The following CADPS2 variants were observed in gnomAD, a reference collection of about 807,000 sequenced individuals.
The protein encoded by CADPS2 is calcium-dependent secretion activator 2.
Under a neutral mutation model 172.5 loss-of-function variants are expected in CADPS2, and 93 were observed. That is an observed-to-expected ratio of 0.54 (90% CI 0.46 to 0.64). CADPS2 has a LOEUF of 0.64. Among genes scored for constraint, CADPS2 ranks in the 30% least tolerant of loss-of-function variants. The pLI, the probability that CADPS2 is intolerant of heterozygous loss-of-function variation, is 0.00. For missense variants in CADPS2, 1,420 were observed against 1,565.9 expected (o/e 0.91, Z 1.57); for synonymous variants, 546 against 555.2 (o/e 0.98, Z 0.23).
At chr7:122,838,030 A>G (rs1324544403) in intron 1 of CADPS2, among the ~76,000 whole-genome samples, 1 of 152,274 alleles carries the variant, frequency 6.6e-6, no homozygotes, top group Non-Finnish European at 1.5e-5. Context: ...AAAATCCTCA[A>G]TAAAATACTG....
chr7:122,499,667 T>C (rs1020751982), intron 9 of CADPS2, among the ~76,000 whole-genome samples: 2 of 152,152 alleles, frequency 1.3e-5, no homozygotes, highest in Admixed American at 6.5e-5. Flanking sequence ...TTTCACTACA[T>C]TTCAGAAAAG....
intron 2 of CADPS2, chr7:122,701,797 G>T (rs1327708129): frequency 1.2e-5 from 16 of 1,319,684 alleles, no homozygotes; most frequent in Non-Finnish European, 1.4e-5. Context: ...TATTTGGAAA[G>T]ATCTGGTTAC....
intron 1 of CADPS2, among the ~76,000 whole-genome samples, chr7:122,758,962 G>A (rs183670940): frequency 1.5e-4 from 23 of 149,246 alleles, no homozygotes; most frequent in Admixed American, 4.0e-4. Flanking sequence ...TTTACTTAGC[G>A]CAAACCAAAA....
intron 1 of CADPS2, among the ~76,000 whole-genome samples, chr7:122,875,431 T>G (rs1820953627): frequency 6.6e-6 from 1 of 152,058 alleles, no homozygotes; most frequent in Admixed American, 6.6e-5. Flanking sequence ...GCAAAATAAA[T>G]TAATACAACT....
chr7:122,706,949 A>G (rs113971711), intron 2 of CADPS2, among the ~76,000 whole-genome samples: 2 of 151,380 alleles, frequency 1.3e-5, no homozygotes, highest in African/African-American at 2.4e-5. Context: ...GAGTGGAATC[A>G]TCATGATTAT....
chr7:122,404,971 A>G (rs886442889), intron 20 of CADPS2, among the ~76,000 whole-genome samples: 2 of 152,090 alleles, frequency 1.3e-5, no homozygotes, highest in African/African-American at 4.8e-5. Flanking sequence ...CTAAAAATAC[A>G]AAAAAATTAG....
intron 17 of CADPS2, among the ~76,000 whole-genome samples, chr7:122,427,767 A>C (rs2049355719): frequency 6.6e-6 from 1 of 151,968 alleles, no homozygotes; most frequent in South Asian, 2.1e-4. Context: ...TATTCAGTAT[A>C]CTTTATTTAA....
chr7:122,886,191 G>GCCT lies in CADPS2; in HGVS notation c.146_147insAGG (p.Gly52dup). The GCCT allele has an allele frequency of 6.8e-7, 1 of 1,469,528 alleles. No individual in the cohort carries two copies. The highest frequency in any genetic ancestry group is 2.8e-5 in the East Asian group (1 of 35,906). The allele number at this position is 1,469,528 out of a possible 1,614,324, so 91.0% of individuals were successfully genotyped here. A position where few individuals can be genotyped will look rare whatever the true frequency, so the allele number is the denominator to read the frequency against. On this transcript the variant is annotated inframe_insertion, in exon 1 of 30. Transcript: ENST00000449022. The stretch of plus-strand genomic sequence containing the variant: ...TCACAGATCTGGCCGCGCCGCCGCC[G>GCCT]CCCGCGCGCCCCGGCGCGTCCCGCC...
intron 8 of CADPS2, among the ~76,000 whole-genome samples, chr7:122,551,520 C>T (rs114911548): frequency 0.012 from 1,778 of 152,004 alleles, 35 homozygotes; most frequent in African/African-American, 0.04. Context: ...ATACATGTTA[C>T]AATAGTTCAC....
At chr7:122,570,596 T>C (rs12706420) in intron 7 of CADPS2, among the ~76,000 whole-genome samples, 19,348 of 144,940 alleles carry the variant, frequency 0.13, 1,560 homozygotes, top group African/African-American at 0.24. Context: ...ATGTTTATTG[T>C]GGCACTATTC....
chr7:122,561,036 G>T (rs1212316681), intron 7 of CADPS2, among the ~76,000 whole-genome samples: 1 of 152,042 alleles, frequency 6.6e-6, no homozygotes, highest in Non-Finnish European at 1.5e-5. Context: ...TACACTTGAG[G>T]TTGCTAAATC....
intron 1 of CADPS2, among the ~76,000 whole-genome samples, chr7:122,779,565 A>G (rs1053511986): frequency 1.3e-5 from 2 of 152,192 alleles, no homozygotes; most frequent in Admixed American, 1.3e-4. Flanking sequence ...CAAGAAAGAG[A>G]GTGAGCATTT....
At chr7:122,632,445 AT>A (rs1386835937) in intron 3 of CADPS2, among the ~76,000 whole-genome samples, 2 of 152,048 alleles carry the variant, frequency 1.3e-5, no homozygotes, top group Non-Finnish European at 2.9e-5. Context: ...TTTGATTTGC[AT>A]TTCTCTGATG....
At chr7:122,549,472 T>C (rs544838263) in intron 8 of CADPS2, among the ~76,000 whole-genome samples, 66 of 152,070 alleles carry the variant, frequency 4.3e-4, no homozygotes, top group African/African-American at 1.6e-3. Context: ...AATACAAAAT[T>C]TAGCCAGGTG....
intron 2 of CADPS2, among the ~76,000 whole-genome samples, chr7:122,685,647 T>G (rs757271666): frequency 2.6e-5 from 4 of 152,206 alleles, no homozygotes; most frequent in Non-Finnish European, 5.9e-5. Context: ...CCTATTCTGT[T>G]TTCTATTTTT....
intron 11 of CADPS2, among the ~76,000 whole-genome samples, chr7:122,481,317 A>C (rs1224124345): frequency 6.6e-6 from 1 of 152,132 alleles, no homozygotes; most frequent in Non-Finnish European, 1.5e-5. Context: ...CCTGGAATAC[A>C]AGTCAGTTGT....
intron 14 of CADPS2, among the ~76,000 whole-genome samples, chr7:122,453,376 T>C (rs1239558857): frequency 6.6e-6 from 1 of 152,176 alleles, no homozygotes; most frequent in Non-Finnish European, 1.5e-5. Context: ...ATTGAGCGAA[T>C]GTTAATACAA....
chr7:122,590,120 G>T (rs2070532323), intron 6 of CADPS2, among the ~76,000 whole-genome samples: 1 of 151,636 alleles, frequency 6.6e-6, no homozygotes, highest in African/African-American at 2.4e-5. Flanking sequence ...AAATTCATAA[G>T]GAATCTCTAG....
At chr7:122,691,630 T>C (rs182560506) in intron 2 of CADPS2, among the ~76,000 whole-genome samples, 2 of 152,340 alleles carry the variant, frequency 1.3e-5, no homozygotes, top group Non-Finnish European at 2.9e-5. Flanking sequence ...GCTATGCATA[T>C]AGTCCTGCAG....
Sources: allele counts gnomAD v4.1 joint callset (sites outside exome capture counted in the v4.1 genomes callset), GRCh38; gene constraint gnomAD v4.1.1; transcripts MANE v1.5; gene names NCBI Gene and HGNC (gene_info 2026-07-23, HGNC 2026-07-21).